Variants in DACH2 observed in about 807,000 individuals in gnomAD.
DACH2 encodes the protein dachshund homolog 2.
In DACH2, 17 loss-of-function variants were observed where a neutral mutation model predicts 35.8. The observed-to-expected ratio is 0.48, with a 90% CI of 0.33 to 0.71. DACH2 has a LOEUF of 0.71. DACH2 is among the 30% of genes least tolerant of loss of function. The probability of loss-of-function intolerance (pLI) is 0.02; values close to 1 mark genes in which losing one functional copy is unlikely to be tolerated. For missense variants in DACH2, 469 were observed against 472.7 expected (o/e 0.99, Z 0.07); for synonymous variants, 195 against 177.3 (o/e 1.10, Z -0.79).
chrX:86,570,106 T>A (rs1163194749), intron 3 of DACH2, among the ~76,000 whole-genome samples: 1 of 111,568 alleles, frequency 9.0e-6, no homozygotes, highest in Non-Finnish European at 1.9e-5. Flanking sequence ...TGGCAAGGTG[T>A]GGAGAAATAG....
intron 2 of DACH2, among the ~76,000 whole-genome samples, chrX:86,424,991 TG>T (rs746320965): frequency 2.7e-5 from 3 of 111,568 alleles, no homozygotes; most frequent in African/African-American, 9.7e-5. Context: ...GATTTGCATA[TG>T]TTGAATTGTC....
In DACH2 at chrX:86,692,434, A is replaced by G. The variant is rs1169043501; in HGVS notation, c.773-2587A>G. On this transcript the variant is annotated intron_variant, in intron 4 of 11. Transcript: ENST00000373125. ...AGGTGTGAGCTGTTGGAAAAAGTGT[A>G]TCCAAAGTTCTCACCAAAACATACA... 3.6e-5 allele frequency among the ~76,000 whole-genome samples: 4 copies of G among 111,002 alleles called. 1 individual carries two copies. Among genetic ancestry groups the G allele is most frequent in the Admixed American group, 1.9e-4 (2 of 10,370 alleles).
intron 1 of DACH2, among the ~76,000 whole-genome samples, chrX:86,328,924 C>T (rs1408983381): frequency 2.7e-5 from 3 of 111,694 alleles, no homozygotes; most frequent in African/African-American, 9.8e-5. Context: ...ATCTACATGC[C>T]TCATTTATGC....
intron 1 of DACH2, among the ~76,000 whole-genome samples, chrX:86,314,519 T>TA (rs771673401): frequency 2.5e-3 from 277 of 110,772 alleles, no homozygotes; most frequent in African/African-American, 5.5e-3. Context: ...CTCTGTGTGT[T>TA]AAAAAAAGAG....
At chrX:86,625,199 A>T (rs1253234752) in intron 3 of DACH2, among the ~76,000 whole-genome samples, 2 of 100,513 alleles carry the variant, frequency 2.0e-5, no homozygotes. Flanking sequence ...CTCTATACAA[A>T]AACCTTCTTA....
intron 1 of DACH2, among the ~76,000 whole-genome samples, chrX:86,293,296 C>G (rs1331134718): frequency 1.8e-5 from 2 of 110,461 alleles, no homozygotes; most frequent in East Asian, 5.7e-4. Context: ...CCTCCTCCAT[C>G]CTTTTATTTT....
chrX:86,609,061 CCTT>C (rs1202765254), intron 3 of DACH2, among the ~76,000 whole-genome samples: 6 of 111,552 alleles, frequency 5.4e-5, no homozygotes, highest in Non-Finnish European at 1.1e-4. Context: ...TAAACTTTCT[CCTT>C]CTGTCTCTTT....
chrX:86,633,935 T>C (rs1181785395), intron 3 of DACH2, among the ~76,000 whole-genome samples: 2 of 112,150 alleles, frequency 1.8e-5, no homozygotes, highest in Admixed American at 9.5e-5. Flanking sequence ...CCTTTCATAA[T>C]AAAAACCCTC....
intron 2 of DACH2, among the ~76,000 whole-genome samples, chrX:86,437,027 T>C (rs949099118): frequency 9.0e-6 from 1 of 111,226 alleles, no homozygotes; most frequent in Non-Finnish European, 1.9e-5. Flanking sequence ...ATTGGAGTCT[T>C]CTCTCTTTTA....
At chrX:86,742,290 A>G (rs2041664532) in intron 7 of DACH2, among the ~76,000 whole-genome samples, 1 of 111,040 alleles carries the variant, frequency 9.0e-6, no homozygotes, top group Admixed American at 9.7e-5. Flanking sequence ...TTAAATTATA[A>G]ACTCTGAAAA....
At chrX:86,180,039 A>G (rs990332510) in intron 1 of DACH2, among the ~76,000 whole-genome samples, 2 of 106,943 alleles carry the variant, frequency 1.9e-5, no homozygotes, top group Non-Finnish European at 3.9e-5. Flanking sequence ...TTAGCACATT[A>G]GTCCTATTTA....
intron 3 of DACH2, among the ~76,000 whole-genome samples, chrX:86,517,424 T>C (rs2038485361): frequency 9.3e-6 from 1 of 107,929 alleles, no homozygotes; most frequent in Non-Finnish European, 1.9e-5. Flanking sequence ...CCACTTTTTT[T>C]TTTTTTTTTT....
intron 1 of DACH2, among the ~76,000 whole-genome samples, chrX:86,190,162 TA>T (rs776524615): frequency 2.6e-3 from 256 of 98,362 alleles, no homozygotes; most frequent in Middle Eastern, 5.2e-3. Context: ...AGACTCCATC[TA>T]AAAAAAAAAA....
chrX:86,629,751 G>A (rs920796191), intron 3 of DACH2, among the ~76,000 whole-genome samples: 3 of 109,741 alleles, frequency 2.7e-5, no homozygotes, highest in African/African-American at 1.0e-4. Context: ...GCCAGGCTTA[G>A]TGTCACATGC....
At chrX:86,521,192 G>A (rs753019968) in intron 3 of DACH2, among the ~76,000 whole-genome samples, 4 of 111,787 alleles carry the variant, frequency 3.6e-5, no homozygotes, top group South Asian at 3.7e-4. Context: ...ATTCTTCGTT[G>A]AAGATTTTTT....
intron 2 of DACH2, among the ~76,000 whole-genome samples, chrX:86,434,788 C>T (rs1444097764): frequency 9.0e-6 from 1 of 111,599 alleles, no homozygotes; most frequent in Non-Finnish European, 1.9e-5. Flanking sequence ...TTCATTGGCT[C>T]ACGGTTGTGC....
intron 2 of DACH2, among the ~76,000 whole-genome samples, chrX:86,385,818 T>A (rs1052940207): frequency 1.8e-5 from 2 of 111,820 alleles, no homozygotes; most frequent in African/African-American, 6.5e-5. Context: ...AAACACTTTT[T>A]AATAACCTTG....
At chrX:86,190,789 A>G (rs1044319021) in intron 1 of DACH2, among the ~76,000 whole-genome samples, 1 of 111,119 alleles carries the variant, frequency 9.0e-6, no homozygotes, top group Non-Finnish European at 1.9e-5. Context: ...TACTAAAAAT[A>G]CAAAATTAGC....
chrX:86,427,235 T>C (rs1288911270), intron 2 of DACH2, among the ~76,000 whole-genome samples: 2 of 111,259 alleles, frequency 1.8e-5, no homozygotes, highest in African/African-American at 6.5e-5. Flanking sequence ...TACCTCTTAA[T>C]TGGGTCACAA....
Sources: allele counts gnomAD v4.1 joint callset (sites outside exome capture counted in the v4.1 genomes callset), GRCh38; gene constraint gnomAD v4.1.1; transcripts MANE v1.5; gene names NCBI Gene and HGNC (gene_info 2026-07-23, HGNC 2026-07-21).